Variants in PLOD1 observed in about 807,000 individuals in gnomAD.
PLOD1 encodes the protein procollagen-lysine,2-oxoglutarate 5-dioxygenase 1, also known as lysine hydroxylase.
Under a neutral mutation model 94.7 loss-of-function variants are expected in PLOD1, and 70 were observed. The observed-to-expected ratio is 0.74, with a 90% CI of 0.61 to 0.90. PLOD1 has a LOEUF of 0.90. PLOD1 is among the 40% of genes least tolerant of loss of function. PLOD1 has a pLI of 0.00. For synonymous variants in PLOD1, 417 were observed against 400.2 expected (o/e 1.04, Z -0.50); for missense variants, 905 against 972.7 (o/e 0.93, Z 0.93).
rs367575725 is a variant in PLOD1 at position 11,954,851 on chromosome 1, G to A, written c.601G>A (p.Asp201Asn). ...EKREQINITL[D>N]HRCRIFQNLD... ...GCAGGAGCAGATCAATATCACCCTG[G>A]ACCACCGCTGCCGTATCTTCCAGAA... The change falls in exon 6 of 19, where the codon GAC becomes AAC. Residue 201 changes from aspartate (D) to asparagine (N), a missense_variant. Transcript: ENST00000196061. The A allele has an allele frequency of 5.6e-6, 9 of 1,613,776 alleles. No individual in the cohort carries two copies. Among genetic ancestry groups the A allele is most frequent in the Admixed American group, 1.7e-5 (1 of 59,996 alleles).
At chr1:11,938,641 G>A (rs1645595875) in intron 1 of PLOD1, among the ~76,000 whole-genome samples, 1 of 152,176 alleles carries the variant, frequency 6.6e-6, no homozygotes, top group Non-Finnish European at 1.5e-5. Flanking sequence ...AGATGGATGG[G>A]AGGAGGCAGC....
intron 1 of PLOD1, among the ~76,000 whole-genome samples, chr1:11,935,224 G>A (rs1645569942): frequency 6.6e-6 from 1 of 152,142 alleles, no homozygotes; most frequent in Non-Finnish European, 1.5e-5. Flanking sequence ...TTTTCCAGCT[G>A]GGCAAACTGA....
chr1:11,967,608 T>C (rs1207176289), intron 16 of PLOD1, among the ~76,000 whole-genome samples: 1 of 125,732 alleles, frequency 8.0e-6, no homozygotes, highest in East Asian at 2.5e-4. Context: ...TATATATATA[T>C]ATATATAAAA....
In PLOD1 at chr1:11,954,719, G is replaced by T. The variant is rs569110069; in HGVS notation, c.580-111G>T. The T allele has an allele frequency of 4.2e-5, 36 of 863,204 alleles. No homozygotes were observed. In the African/African-American group the frequency reaches 5.1e-4, roughly 12 times the overall value. 53.5% of individuals were successfully genotyped at this position (863,204 alleles called of 1,614,324 possible). A position where few individuals can be genotyped will look rare whatever the true frequency, so the allele number is the denominator to read the frequency against. On this transcript the variant is annotated intron_variant, in intron 5 of 18. Coordinates refer to ENST00000196061, the MANE Select transcript of PLOD1 (RefSeq NM_000302.4). Reference sequence around the variant, plus strand: ...CCTGATGTGACGTGGCAGAGTCGGTGTGGGGAATGAGGGCTGAACTTGGGG... The same window carrying T: ...CCTGATGTGACGTGGCAGAGTCGGTTTGGGGAATGAGGGCTGAACTTGGGG...
At chr1:11,944,783 C>A (rs1645638982) in intron 1 of PLOD1, 1 of 679,138 alleles carries the variant, frequency 1.5e-6, no homozygotes, top group Non-Finnish European at 2.1e-6. Context: ...GCCCTGGGGC[C>A]AGCTCCCTGC....
Position 11,944,032 on chromosome 1 carries a change from G to A in PLOD1, c.77-3944G>A, listed in dbSNP as rs1015103568. Among the ~76,000 whole-genome samples, 8 of 152,220 alleles carry A rather than the reference G, an allele frequency of 5.3e-5. No individual in the cohort carries two copies. The East Asian group carries it at 9.7e-4, about 18-fold the overall frequency. On this transcript the variant is annotated intron_variant, in intron 1 of 18. Transcript: ENST00000196061. ...AGATCACCTGAGGTCATGAGTTTGC[G>A]ACCAGCCTGGCCAACATGGTGAAAC...
At chr1:11,947,882 G>A (rs939595738) in intron 1 of PLOD1, 94 bp from the exon 2 acceptor site, 2 of 824,310 alleles carry the variant, frequency 2.4e-6, no homozygotes, top group East Asian at 2.4e-5. Flanking sequence ...GACACTTCCT[G>A]CCAGAATTTG....
intron 18 of PLOD1, among the ~76,000 whole-genome samples, chr1:11,973,379 AATCTTAGCTACCC>A (rs2100767443): frequency 6.6e-6 from 1 of 152,066 alleles, no homozygotes; most frequent in East Asian, 2.0e-4. Context: ...ACACACCTGT[AATCTTAGCTACCC>A]AGAAGGCTGA....
At chr1:11,961,127 T>C (rs1271849243) in intron 10 of PLOD1, among the ~76,000 whole-genome samples, 1 of 152,148 alleles carries the variant, frequency 6.6e-6, no homozygotes, top group Admixed American at 6.6e-5. Context: ...CTCATGCCTG[T>C]AATCCCTGCA....
chr1:11,964,787 T>C lies in PLOD1; in HGVS notation c.1470+2T>C, dbSNP rs886043927. On this transcript the variant is annotated splice_donor_variant, in intron 13 of 18. Coordinates refer to ENST00000196061, the MANE Select transcript of PLOD1 (RefSeq NM_000302.4). LOFTEE classifies it high-confidence loss of function. ...TTCTGTGCCAACATCCGGCAGCAGG[T>C]CAGCCAGGAGCGGGCAGCACAGGAC... 5.0e-6 allele frequency: 8 copies of C among 1,611,316 alleles called. No individual in the cohort carries two copies. Among genetic ancestry groups the C allele is most frequent in the Non-Finnish European group, 6.8e-6 (8 of 1,179,450 alleles).
Position 11,963,437 on chromosome 1 carries a change from T to G in PLOD1, c.1098-95T>G. 1.2e-6 allele frequency: 1 copy of G among 808,168 alleles called. No homozygotes were observed. Among genetic ancestry groups the G allele is most frequent in the Non-Finnish European group, 2.1e-6 (1 of 469,794 alleles). 50.1% of individuals were successfully genotyped at this position (808,168 alleles called of 1,614,324 possible). On this transcript the variant is annotated intron_variant, in intron 10 of 18. Coordinates refer to ENST00000196061, the MANE Select transcript of PLOD1 (RefSeq NM_000302.4). This position sits in a 1 kb window ranked among gnomAD's most constrained non-coding sequence, Gnocchi z 4.3. Reference sequence around the variant, plus strand: ...TGTGACCTCTCTAAAGCCCCTTGGCTGATATGTGGTGAAGCCAGACTGTGG... The same window carrying G: ...TGTGACCTCTCTAAAGCCCCTTGGCGGATATGTGGTGAAGCCAGACTGTGG...
At chr1:11,951,555 T>A (rs114933299) in intron 4 of PLOD1, among the ~76,000 whole-genome samples, 3,689 of 145,502 alleles carry the variant, frequency 0.025, 125 homozygotes, top group African/African-American at 0.089. Context: ...ATAATTTTTT[T>A]AAATAAAAAA....
rs183049687 is a variant in PLOD1, at chr1:11,941,726, C to T, written c.77-6250C>T. On this transcript the variant is annotated intron_variant, in intron 1 of 18. Transcript: ENST00000196061. ...CTCAAACTCCTGACCTCAGGTGATCCGCCCGCCTAGGCCTCTCAAAGTGCT... is the reference window on the plus strand; with the variant it reads ...CTCAAACTCCTGACCTCAGGTGATCTGCCCGCCTAGGCCTCTCAAAGTGCT... 1.7e-3 allele frequency among the ~76,000 whole-genome samples: 257 copies of T among 151,550 alleles called. 1 individual carries two copies. The highest frequency in any genetic ancestry group is 0.01 in the Middle Eastern group (3 of 290).
intron 1 of PLOD1, chr1:11,944,437 ACAC>A: frequency 1.2e-6 from 1 of 820,630 alleles, no homozygotes; most frequent in Non-Finnish European, 1.8e-6. Flanking sequence ...ACACACACAC[ACAC>A]ACACACACAC....
intron 6 of PLOD1, among the ~76,000 whole-genome samples, chr1:11,955,249 T>G (rs1028040759): frequency 8.5e-5 from 13 of 152,226 alleles, no homozygotes; most frequent in Non-Finnish European, 1.6e-4. Flanking sequence ...GGGCAGGAAC[T>G]CAGCTGGTGG....
Position 11,957,732 on chromosome 1 carries a change from T to C in PLOD1, c.742-110T>C, listed in dbSNP as rs1645748752. On this transcript the variant is annotated intron_variant, in intron 7 of 18. Transcript: ENST00000196061. The surrounding 1 kb of genome is among the most constrained non-coding windows in gnomAD (Gnocchi z 4.1). ...TTATCTCCAAGACCCTCTTAGGGAG[T>C]GGGAGGGGGCTGGATGGTGCTGACC... The C allele has an allele frequency of 1.3e-6, 1 of 795,042 alleles. No individual in the cohort carries two copies. 49.2% of individuals were successfully genotyped at this position (795,042 alleles called of 1,614,324 possible). A position where few individuals can be genotyped will look rare whatever the true frequency, so the allele number is the denominator to read the frequency against.
In PLOD1 at chr1:11,972,629, T is replaced by TTCTTCCTTCCCCTCTGTTC. The variant is rs1480790881; in HGVS notation, c.1903-231_1903-213dup. Reference sequence around the variant, plus strand: ...TCCCTTCCTCCCTCCCTCCCTTCCTTTCTTCCTTCCCCTCTGTTCTCTTCC... The same window carrying TTCTTCCTTCCCCTCTGTTC: ...TCCCTTCCTCCCTCCCTCCCTTCCTTTCTTCCTTCCCCTCTGTTCTCTTCCTTCCCCTCTGTTCTCTTCC... On this transcript the variant is annotated intron_variant, in intron 17 of 18. Transcript: ENST00000196061. This position sits in a 1 kb window ranked among gnomAD's most constrained non-coding sequence, Gnocchi z 4.6. 4.5e-6 allele frequency: 2 copies of TTCTTCCTTCCCCTCTGTTC among 440,470 alleles called. No individual in the cohort carries two copies. Among genetic ancestry groups the TTCTTCCTTCCCCTCTGTTC allele is most frequent in the Admixed American group, 3.5e-5 (1 of 28,958 alleles). 27.3% of individuals were successfully genotyped at this position (440,470 alleles called of 1,614,324 possible). A position where few individuals can be genotyped will look rare whatever the true frequency, so the allele number is the denominator to read the frequency against.
At position 11,949,898 on chromosome 1, in the gene PLOD1, C is replaced by T. The variant is rs7529452; in HGVS notation, c.294C>T (p.Phe98=). 0.31 allele frequency: 501,873 copies of T among 1,613,408 alleles called. 82,689 individuals carry two copies. Among genetic ancestry groups the T allele is most frequent in the South Asian group, 0.43 (38,989 of 91,066 alleles). The change falls in exon 3 of 19, where the codon TTC becomes TTT. Residue 98 remains phenylalanine, a synonymous_variant. Coordinates refer to ENST00000196061, the MANE Select transcript of PLOD1 (RefSeq NM_000302.4). ...HADKEDLVIL[F]ADSYDVLFAS... is the part of the protein sequence containing the mutation. ...ACAAGGAGGATCTGGTCATTCTCTT[C>T]GCAGACAGGTAGGTGGGTCAGGGCT...
chr1:11,958,577 C>A lies in PLOD1; in HGVS notation c.905C>A (p.Ser302Tyr), dbSNP rs565765056. Residue 302 changes from serine (S) to tyrosine (Y), a missense_variant, in exon 9 of 19, where the codon TCC (serine) becomes TAC (tyrosine). Transcript: ENST00000196061. This position sits in a 1 kb window ranked among gnomAD's most constrained non-coding sequence, Gnocchi z 4.3. Reference protein sequence around the residue: ...VFIEQPTPFVSLFFQRLLRLH... With the variant: ...VFIEQPTPFVYLFFQRLLRLH... ...ATCGAACAGCCCACGCCGTTTGTGTCCCTGTTCTTCCAGCGGCTCCTGCGG... is the reference window on the plus strand; with the variant it reads ...ATCGAACAGCCCACGCCGTTTGTGTACCTGTTCTTCCAGCGGCTCCTGCGG... 1.8e-4 allele frequency: 285 copies of A among 1,614,088 alleles called. 3 individuals carry two copies. The South Asian group carries it at 3.0e-3, about 17-fold the overall frequency.
Sources: allele counts gnomAD v4.1 joint callset (sites outside exome capture counted in the v4.1 genomes callset), GRCh38; gene constraint gnomAD v4.1.1; non-coding constraint Gnocchi (gnomAD v3.1); transcripts MANE v1.5; gene names NCBI Gene and HGNC (gene_info 2026-07-23, HGNC 2026-07-21).